The following GABRB2 variants were observed in gnomAD, a reference collection of about 807,000 sequenced individuals.
GABRB2 encodes the protein gamma-aminobutyric acid receptor subunit beta-2.
Under a neutral mutation model 54.7 loss-of-function variants are expected in GABRB2, and 16 were observed. That is an observed-to-expected ratio of 0.29 (90% confidence interval 0.20 to 0.44). GABRB2 has a LOEUF of 0.44. GABRB2 is among the 20% of genes least tolerant of loss of function. The pLI is 1.00. For missense variants in GABRB2, 355 were observed against 644.0 expected, an observed-to-expected ratio of 0.55 and a Z score of 4.86; for synonymous variants, 244 against 233.8, an observed-to-expected ratio of 1.04 and a Z score of -0.40.
rs571279893 is a variant in GABRB2, at chr5:161,524,669, C to A, written c.237+20558G>T. Among the ~76,000 whole-genome samples the A allele has an allele frequency of 3.3e-5, 5 of 151,392 alleles. No homozygotes were observed. In the South Asian group the frequency reaches 1.0e-3, roughly 31 times the overall value. ...ATCTTTATTAACACTGAAAAAAATT[C>A]TTTAAAATAGATTAATAGAATAGAA... On this transcript the variant is annotated intron_variant, in intron 3 of 9. Transcript: ENST00000393959.
intron 3 of GABRB2, among the ~76,000 whole-genome samples, chr5:161,504,747 A>T (rs1458852532): frequency 6.6e-6 from 1 of 150,776 alleles, no homozygotes; most frequent in Non-Finnish European, 1.5e-5. Context: ...TAAGACTAAT[A>T]TCTGGAATTA....
At chr5:161,450,114 C>A (rs1298193240) in intron 4 of GABRB2, among the ~76,000 whole-genome samples, 1 of 152,140 alleles carries the variant, frequency 6.6e-6, no homozygotes, top group Non-Finnish European at 1.5e-5. Context: ...CCCTACATTT[C>A]TTGGAAGCGC....
intron 6 of GABRB2, 71 bp from the exon 7 acceptor site, chr5:161,334,975 T>C: frequency 4.9e-6 from 7 of 1,438,660 alleles, no homozygotes; most frequent in Non-Finnish European, 6.8e-6. Context: ...TAAAGGTGCA[T>C]AAACAGTACC....
intron 3 of GABRB2, among the ~76,000 whole-genome samples, chr5:161,494,045 C>A (rs1759155940): frequency 6.6e-6 from 1 of 151,386 alleles, no homozygotes; most frequent in Non-Finnish European, 1.5e-5. Context: ...CAATTAAAAA[C>A]CAAAATTTAA....
At chr5:161,416,225 C>A (rs1239515481) in intron 4 of GABRB2, among the ~76,000 whole-genome samples, 1 of 152,142 alleles carries the variant, frequency 6.6e-6, no homozygotes, top group Non-Finnish European at 1.5e-5. Flanking sequence ...CAGAGATGAG[C>A]CACCATGCCC....
At position 161,331,047 on chromosome 5, in the gene GABRB2, T is replaced by G. The variant is rs1300606010; in HGVS notation, c.913A>C (p.Ile305Leu). 1 of 1,613,806 alleles carries G rather than the reference T, an allele frequency of 6.2e-7. No individual in the cohort carries two copies. ...AAGCACCCCATCAGGTACATGTCAA[T>G]GGCCTTCACATAGGGGATTTTAGGG... ...TLPKIPYVKA[I>L]DMYLMGCFVF... The change falls in exon 8 of 10, where the codon ATT becomes CTT. Residue 305 changes from isoleucine to leucine, a missense_variant. Transcript: ENST00000393959.
At chr5:161,328,199 C>A (rs1360629752) in intron 8 of GABRB2, among the ~76,000 whole-genome samples, 1 of 152,136 alleles carries the variant, frequency 6.6e-6, no homozygotes, top group Non-Finnish European at 1.5e-5. Flanking sequence ...TAAAACATTC[C>A]TGTCTAAACA....
At chr5:161,430,657 C>T (rs1274344672) in intron 4 of GABRB2, among the ~76,000 whole-genome samples, 1 of 152,020 alleles carries the variant, frequency 6.6e-6, no homozygotes, top group Non-Finnish European at 1.5e-5. Flanking sequence ...GGTCATGAAA[C>T]TTGGTTTAAA....
At chr5:161,421,880 C>A (rs1044957860) in intron 4 of GABRB2, among the ~76,000 whole-genome samples, 5 of 152,014 alleles carry the variant, frequency 3.3e-5, no homozygotes, top group East Asian at 1.9e-4. Context: ...ATAAATATTT[C>A]TTTTATATAA....
chr5:161,455,982 C>A (rs1241405889), intron 4 of GABRB2, among the ~76,000 whole-genome samples: 1 of 152,112 alleles, frequency 6.6e-6, no homozygotes, highest in East Asian at 1.9e-4. Flanking sequence ...CTGAAGAAAA[C>A]CTATGAAAGA....
upstream of GABRB2, chr5:161,547,905 C>A (rs548985405): frequency 2.0e-5 from 3 of 152,348 alleles, no homozygotes; most frequent in Non-Finnish European, 4.4e-5. Flanking sequence ...GGCCCGCGCT[C>A]GCCGCCCACT....
chr5:161,529,839 G>A (rs116469785), intron 3 of GABRB2, among the ~76,000 whole-genome samples: 3,602 of 152,052 alleles, frequency 0.024, 67 homozygotes, highest in Non-Finnish European at 0.04. Context: ...TTTGTATTCC[G>A]TATTATTTAA....
chr5:161,319,961 G>A (rs1170801538), intron 9 of GABRB2, among the ~76,000 whole-genome samples: 3 of 149,794 alleles, frequency 2.0e-5, no homozygotes, highest in Admixed American at 2.0e-4. Context: ...TAAGATCTTT[G>A]CATAGTTTTC....
At chr5:161,505,706 C>T (rs918042464) in intron 3 of GABRB2, among the ~76,000 whole-genome samples, 19 of 152,254 alleles carry the variant, frequency 1.2e-4, no homozygotes, top group African/African-American at 4.6e-4. Flanking sequence ...GATCTCATCA[C>T]TAAGTTCAGA....
chr5:161,438,138 G>A (rs1028856848), intron 4 of GABRB2, among the ~76,000 whole-genome samples: 1 of 152,226 alleles, frequency 6.6e-6, no homozygotes, highest in African/African-American at 2.4e-5. Context: ...CACAGTCATA[G>A]TGGTGGTGGC....
intron 5 of GABRB2, among the ~76,000 whole-genome samples, chr5:161,336,982 T>A (rs563463319): frequency 6.6e-6 from 1 of 152,228 alleles, no homozygotes; most frequent in South Asian, 2.1e-4. Context: ...GGTAGTATAA[T>A]TAGGCCCATA....
chr5:161,297,092 G>A (rs1296767902), intron 9 of GABRB2, among the ~76,000 whole-genome samples: 1 of 150,978 alleles, frequency 6.6e-6, no homozygotes, highest in Non-Finnish European at 1.5e-5. Flanking sequence ...TGGTGTAGAT[G>A]TATGAGTGAT....
rs111682476 is a variant in GABRB2, at chr5:161,417,324, A to T, written c.459-6267T>A. ...CACGACACTAGTGTCACTGACATAT[A>T]TAATCTCATTTAATGTGAGTTAAGT... On this transcript the variant is annotated intron_variant, in intron 4 of 9. Transcript: ENST00000393959. 7.8e-3 allele frequency among the ~76,000 whole-genome samples: 1,181 copies of T among 152,328 alleles called. 22 individuals are homozygous for T. The highest frequency in any genetic ancestry group is 0.05 in the South Asian group (242 of 4,832).
chr5:161,306,037 G>A (rs1405208730), intron 9 of GABRB2, among the ~76,000 whole-genome samples: 1 of 152,192 alleles, frequency 6.6e-6, no homozygotes, highest in East Asian at 1.9e-4. Context: ...TTACTGACAG[G>A]TCATGACTGA....
Sources: allele counts gnomAD v4.1 joint callset (sites outside exome capture counted in the v4.1 genomes callset), GRCh38; gene constraint gnomAD v4.1.1; transcripts MANE v1.5; gene names NCBI Gene and HGNC (gene_info 2026-07-23, HGNC 2026-07-21).